The following PTPRN2 variants were observed in gnomAD, a reference collection of about 807,000 sequenced individuals.
PTPRN2 encodes the protein receptor-type tyrosine-protein phosphatase N2.
A neutral mutation model predicts 118.8 loss-of-function variants in PTPRN2; 74 were observed. The observed-to-expected ratio is 0.62, with a 90% confidence interval of 0.52 to 0.76. The LOEUF (loss-of-function observed/expected upper bound fraction) is 0.76, where lower values mean the gene tolerates loss of function less well. Among genes scored for constraint, PTPRN2 ranks in the 30% least tolerant of loss-of-function variants. The pLI, the probability that PTPRN2 is intolerant of heterozygous loss-of-function variation, is 0.00. For missense variants in PTPRN2, 1,481 were observed against 1,394.4 expected, an observed-to-expected ratio of 1.06 and a Z score of -0.99; for synonymous variants, 641 against 608.0, an observed-to-expected ratio of 1.05 and a Z score of -0.80.
chr7:157,684,707 C>T (rs1797087854), intron 12 of PTPRN2, among the ~76,000 whole-genome samples: 1 of 151,670 alleles, frequency 6.6e-6, no homozygotes, highest in African/African-American at 2.4e-5. Context: ...GGGTCTCCTG[C>T]GCGCCCCTCC....
At chr7:158,149,318 C>A (rs1007581364) in intron 6 of PTPRN2, among the ~76,000 whole-genome samples, 2 of 152,158 alleles carry the variant, frequency 1.3e-5, no homozygotes, top group South Asian at 4.1e-4. Flanking sequence ...GTGTAAATCA[C>A]TGCCTATATT....
chr7:158,299,371 C>T (rs1422642902), intron 3 of PTPRN2, among the ~76,000 whole-genome samples: 1 of 151,022 alleles, frequency 6.6e-6, no homozygotes, highest in Admixed American at 6.6e-5. Flanking sequence ...GGTCTTGGCT[C>T]ACTGCAACCT....
rs1189686144 is a variant in PTPRN2, at chr7:157,929,839, C to G, written c.1724-31102G>C. 6.6e-6 allele frequency among the ~76,000 whole-genome samples: 1 copy of G among 152,150 alleles called. No homozygotes were observed. Among genetic ancestry groups the G allele is most frequent in the Non-Finnish European group, 1.5e-5 (1 of 68,032 alleles). On this transcript the variant is annotated intron_variant, in intron 11 of 22. Transcript: ENST00000389418. This position sits in a 1 kb window ranked among gnomAD's most constrained non-coding sequence, Gnocchi z 4.4. ...CCCACTGGTGGTGTTCCCGGGACAC[C>G]AGGCACTGGAGGTCGGCACGCTTAT... is the stretch of plus-strand genomic sequence containing the variant.
At chr7:158,066,993 T>C (rs73748016) in intron 11 of PTPRN2, among the ~76,000 whole-genome samples, 8,430 of 152,252 alleles carry the variant, frequency 0.055, 816 homozygotes, top group African/African-American at 0.19. Context: ...GGAGTAGTTA[T>C]AGGTTGAAAG....
At chr7:158,236,086 G>A (rs67598038) in intron 3 of PTPRN2, among the ~76,000 whole-genome samples, 32,662 of 152,132 alleles carry the variant, frequency 0.21, 4,118 homozygotes, top group African/African-American at 0.34. Flanking sequence ...AGCCCACAGC[G>A]TTGTTGAAGG....
rs950555495 is a variant in PTPRN2 at position 157,691,906 on chromosome 7, C to A, written c.1789-8969G>T. On this transcript the variant is annotated intron_variant, in intron 12 of 22. Transcript: ENST00000389418. Reference sequence around the variant, plus strand: ...ATGCTCTCTCTCCCCAGGCCCTGGACCCCGGGCCACAGCCACAGGTTGGGG... The same window carrying A: ...ATGCTCTCTCTCCCCAGGCCCTGGAACCCGGGCCACAGCCACAGGTTGGGG... 1.1e-4 allele frequency among the ~76,000 whole-genome samples: 17 copies of A among 152,322 alleles called. No individual in the cohort carries two copies. The East Asian group carries it at 3.1e-3, about 28-fold the overall frequency.
intron 12 of PTPRN2, among the ~76,000 whole-genome samples, chr7:157,701,512 A>G (rs1798063602): frequency 6.6e-6 from 1 of 152,158 alleles, no homozygotes; most frequent in African/African-American, 2.4e-5. Context: ...CTGTGCTTCT[A>G]CCACACACAC....
chr7:158,115,209 C>T (rs1016851507), intron 9 of PTPRN2, among the ~76,000 whole-genome samples: 3 of 152,056 alleles, frequency 2.0e-5, no homozygotes, highest in Non-Finnish European at 2.9e-5. Context: ...AACAAAAGTT[C>T]CCTCCCCTGG....
chr7:158,182,956 A>C (rs1824839873), intron 5 of PTPRN2, among the ~76,000 whole-genome samples: 1 of 152,196 alleles, frequency 6.6e-6, no homozygotes, highest in Non-Finnish European at 1.5e-5. Flanking sequence ...TAATTATTTT[A>C]TGAATCTGAG....
At chr7:157,849,017 C>A (rs1183879311) in intron 12 of PTPRN2, among the ~76,000 whole-genome samples, 1 of 152,198 alleles carries the variant, frequency 6.6e-6, no homozygotes, top group East Asian at 1.9e-4. Context: ...AAGCTCTGAA[C>A]CAATAGCGGG....
chr7:157,703,576 C>T lies in PTPRN2; in HGVS notation c.1789-20639G>A, dbSNP rs115520792. On this transcript the variant is annotated intron_variant, in intron 12 of 22. Transcript: ENST00000389418. ...ACTACTGGAGCTAGCAACGTCAAGC[C>T]GTCCAGGAGAGAACCAGATGGGAAC... is the stretch of plus-strand genomic sequence containing the variant. 5.0e-3 allele frequency among the ~76,000 whole-genome samples: 769 copies of T among 152,314 alleles called. 5 individuals are homozygous for T. Among genetic ancestry groups the T allele is most frequent in the African/African-American group, 0.017 (725 of 41,558 alleles).
chr7:158,086,321 A>T (rs559254967), intron 10 of PTPRN2, among the ~76,000 whole-genome samples: 1 of 152,192 alleles, frequency 6.6e-6, no homozygotes, highest in Non-Finnish European at 1.5e-5. Context: ...ACAGACACAC[A>T]GCCTGGCGTC....
At chr7:158,321,788 C>T (rs1458045762) in intron 2 of PTPRN2, among the ~76,000 whole-genome samples, 1 of 152,082 alleles carries the variant, frequency 6.6e-6, no homozygotes, top group Non-Finnish European at 1.5e-5. Context: ...CTCATGTGTG[C>T]AAATATATGT....
At chr7:158,583,434 A>G (rs1828739880) in intron 1 of PTPRN2, among the ~76,000 whole-genome samples, 1 of 152,098 alleles carries the variant, frequency 6.6e-6, no homozygotes, top group South Asian at 2.1e-4. Context: ...CTCGGAGTAA[A>G]GCAGAGAGAG....
intron 2 of PTPRN2, among the ~76,000 whole-genome samples, chr7:158,332,873 C>A (rs1271841784): frequency 3.4e-5 from 5 of 148,756 alleles, no homozygotes; most frequent in Admixed American, 6.6e-5. Context: ...CACACTCTCA[C>A]CATAAGAAGT....
At chr7:158,242,455 G>C (rs970051871) in intron 3 of PTPRN2, among the ~76,000 whole-genome samples, 3 of 152,238 alleles carry the variant, frequency 2.0e-5, no homozygotes, top group African/African-American at 7.2e-5. Context: ...ACTCCTTTCA[G>C]AAAACATCTG....
chr7:158,298,919 CA>C (rs1800680801), intron 3 of PTPRN2, among the ~76,000 whole-genome samples: 1 of 152,194 alleles, frequency 6.6e-6, no homozygotes, highest in Admixed American at 6.5e-5. Context: ...TCCTGAGCCA[CA>C]GGAACACGAT....
At chr7:157,789,768 G>GGT (rs1025786622) in intron 12 of PTPRN2, among the ~76,000 whole-genome samples, 3 of 150,142 alleles carry the variant, frequency 2.0e-5, no homozygotes, top group African/African-American at 4.9e-5. Context: ...GTATATGTGT[G>GGT]GTGTGTGTGT....
At chr7:157,836,781 G>A (rs1807962777) in intron 12 of PTPRN2, among the ~76,000 whole-genome samples, 1 of 152,122 alleles carries the variant, frequency 6.6e-6, no homozygotes, top group Admixed American at 6.5e-5. Context: ...GTCCTGGCCT[G>A]GACCATTTTT....
Sources: gnomAD v4.1 joint callset for allele counts (sites outside exome capture counted in the v4.1 genomes callset) on GRCh38, gnomAD v4.1.1 for gene constraint, Gnocchi (gnomAD v3.1) non-coding constraint, MANE v1.5 for transcripts, NCBI Gene and HGNC (gene_info 2026-07-23, HGNC 2026-07-21) for gene names.